The following EEFSEC variants were observed in gnomAD, a reference collection of about 807,000 sequenced individuals.
The protein encoded by EEFSEC is eukaryotic elongation factor, selenocysteine-tRNA specific, also known as selenocysteine-specific elongation factor.
Under a neutral mutation model 42.1 loss-of-function variants are expected in EEFSEC, and 43 were observed. The observed-to-expected ratio is 1.02, with a 90% CI of 0.80 to 1.32. The LOEUF is 1.32. Among genes scored for constraint, EEFSEC ranks in the 40% most tolerant of loss-of-function variants. The pLI, the probability that EEFSEC is intolerant of heterozygous loss-of-function variation, is 0.00. For synonymous variants in EEFSEC, 354 were observed against 339.1 expected (o/e 1.04, Z -0.48); for missense variants, 745 against 803.6 (o/e 0.93, Z 0.88).
chr3:128,344,319 G>A (rs1165445792), intron 5 of EEFSEC, among the ~76,000 whole-genome samples: 1 of 152,236 alleles, frequency 6.6e-6, no homozygotes, highest in Non-Finnish European at 1.5e-5. Context: ...TAACCCTGAG[G>A]AAGAGGTCAT....
At chr3:128,418,176 G>A in the EEFSEC span, among the ~76,000 whole-genome samples, 1 of 152,008 alleles carries the variant, frequency 6.6e-6, no homozygotes, top group African/African-American at 2.4e-5. Flanking sequence ...CCCTCGTCCA[G>A]TCCTGCTCCC....
Position 128,153,658 on chromosome 3 carries a change from C to G in EEFSEC, c.151C>G (p.Leu51Val), listed in dbSNP as rs1944298295. 2 of 1,598,840 alleles carry G rather than the reference C, an allele frequency of 1.3e-6. No individual in the cohort carries two copies. The highest frequency in any genetic ancestry group is 1.7e-6 in the Non-Finnish European group (2 of 1,178,284). Residue 51 changes from leucine (L) to valine (V), a missense_variant, in exon 1 of 7, where the codon CTG (leucine) becomes GTG (valine). By Grantham distance (32) the Leu-to-Val change is conservative. Coordinates refer to ENST00000254730, the MANE Select transcript of EEFSEC (RefSeq NM_021937.5). ...CCGCGAGCGCGGCATCACGCTCGAT[C>G]TGGGCTTCTCGTGCTTCTCGGTGCC... ...QSRERGITLDLGFSCFSVPLP... is the reference protein window; with the variant it reads ...QSRERGITLDVGFSCFSVPLP...
intron 1 of EEFSEC, among the ~76,000 whole-genome samples, chr3:128,222,025 GTT>G (rs60162922): frequency 1.0e-5 from 1 of 96,362 alleles, no homozygotes; most frequent in Non-Finnish European, 1.9e-5. Flanking sequence ...TTTTTTCAAA[GTT>G]TTTTTTTTTT....
rs779379164 is a variant in EEFSEC, at chr3:128,407,426, G to T, written c.1601-643G>T. 1.1e-4 allele frequency among the ~76,000 whole-genome samples: 16 copies of T among 152,198 alleles called. 1 individual carries two copies. Among genetic ancestry groups the T allele is most frequent in the Admixed American group, 1.0e-3 (16 of 15,290 alleles). ...TCTCAGGGCAGTGGCAAACTGAGCCGAGGGGGCACTGTGAGAATGGCGTGG... is the reference window on the plus strand; with the variant it reads ...TCTCAGGGCAGTGGCAAACTGAGCCTAGGGGGCACTGTGAGAATGGCGTGG... On this transcript the variant is annotated intron_variant, in intron 6 of 6. Transcript: ENST00000254730.
At chr3:128,234,544 T>C (rs2065989297) in intron 1 of EEFSEC, among the ~76,000 whole-genome samples, 1 of 152,212 alleles carries the variant, frequency 6.6e-6, no homozygotes, top group Non-Finnish European at 1.5e-5. Flanking sequence ...AGGCTGACTG[T>C]GGTGCGAGGA....
chr3:128,324,708 C>G (rs2067045494), intron 4 of EEFSEC, among the ~76,000 whole-genome samples: 1 of 152,206 alleles, frequency 6.6e-6, no homozygotes, highest in Non-Finnish European at 1.5e-5. Context: ...AGGCCTAGGG[C>G]TTTGCATGGT....
intron 1 of EEFSEC, among the ~76,000 whole-genome samples, chr3:128,161,300 A>T (rs1052584772): frequency 4.9e-4 from 75 of 152,290 alleles, no homozygotes; most frequent in African/African-American, 1.6e-3. Flanking sequence ...ACTTAGACTC[A>T]TCCTCAATCT....
chr3:128,341,858 A>T lies in EEFSEC; in HGVS notation c.1412A>T (p.Lys471Met). ...DSFLPRLKVYKLKHKHGLVER... is the reference protein window; with the variant it reads ...DSFLPRLKVYMLKHKHGLVER... ...TTCCTGCCCAGGCTGAAGGTGTACAAGCTGAAGCACAAGCATGGCCTTGTG... is the reference window on the plus strand; with the variant it reads ...TTCCTGCCCAGGCTGAAGGTGTACATGCTGAAGCACAAGCATGGCCTTGTG... Residue 471 changes from lysine (K) to methionine (M), a missense_variant, in exon 5 of 7, where the codon AAG becomes ATG. Coordinates refer to ENST00000254730, the MANE Select transcript of EEFSEC (RefSeq NM_021937.5). 6.2e-7 allele frequency: 1 copy of T among 1,613,800 alleles called. No individual in the cohort carries two copies. Among genetic ancestry groups the T allele is most frequent in the Non-Finnish European group, 8.5e-7 (1 of 1,180,024 alleles).
intron 6 of EEFSEC, among the ~76,000 whole-genome samples, chr3:128,404,033 G>A (rs1419981710): frequency 6.6e-6 from 1 of 152,252 alleles, no homozygotes; most frequent in Non-Finnish European, 1.5e-5. Flanking sequence ...AAGGCACAGA[G>A]GCAGGTTGCG....
chr3:128,232,915 G>GCTTGGAAACCTCCACTCTTCGTGTGTCTT (rs2065973219), intron 1 of EEFSEC, among the ~76,000 whole-genome samples: 1 of 152,242 alleles, frequency 6.6e-6, no homozygotes, highest in Admixed American at 6.5e-5. Flanking sequence ...CCTGACAGGA[G>GCTTGGAAACCTCCACTCTTCGTGTGTCTT]CTTGGAAACC....
intron 4 of EEFSEC, among the ~76,000 whole-genome samples, chr3:128,313,695 A>G (rs1463516789): frequency 6.6e-6 from 1 of 152,262 alleles, no homozygotes; most frequent in Admixed American, 6.5e-5. Flanking sequence ...AGCACAGCAG[A>G]GAACTGTTCC....
chr3:128,286,274 C>T (rs1452304912), intron 4 of EEFSEC, among the ~76,000 whole-genome samples: 1 of 152,198 alleles, frequency 6.6e-6, no homozygotes, highest in African/African-American at 2.4e-5. Flanking sequence ...GTCATCTATT[C>T]AGTGTCTGTC....
At chr3:128,397,289 C>T (rs58471960) in intron 6 of EEFSEC, among the ~76,000 whole-genome samples, 2,257 of 152,306 alleles carry the variant, frequency 0.015, 49 homozygotes, top group African/African-American at 0.051. Context: ...CTCTCAGGCC[C>T]GTGGCAGGGT....
chr3:128,182,899 T>A (rs1252097103), intron 1 of EEFSEC, among the ~76,000 whole-genome samples: 1 of 137,506 alleles, frequency 7.3e-6, no homozygotes, highest in Admixed American at 7.1e-5. Flanking sequence ...GGTGGGGTGG[T>A]TGGTCTAGTA....
chr3:128,320,890 G>A (rs2067000743), intron 4 of EEFSEC, among the ~76,000 whole-genome samples: 1 of 152,226 alleles, frequency 6.6e-6, no homozygotes, highest in African/African-American at 2.4e-5. Flanking sequence ...AGTGGCCTCT[G>A]GCTAGTCACC....
intron 1 of EEFSEC, among the ~76,000 whole-genome samples, chr3:128,194,386 T>C (rs1483512573): frequency 6.6e-6 from 1 of 152,206 alleles, no homozygotes; most frequent in Non-Finnish European, 1.5e-5. Context: ...GCAGGTCAGA[T>C]GCTTTTGGGG....
the EEFSEC span, among the ~76,000 whole-genome samples, chr3:128,419,221 G>A: frequency 2.6e-5 from 4 of 152,174 alleles, no homozygotes; most frequent in Admixed American, 1.3e-4. Flanking sequence ...AAGAAGTGGG[G>A]CACGGCTGCT....
chr3:128,276,640 C>G (rs1156827359), intron 4 of EEFSEC, among the ~76,000 whole-genome samples: 1 of 152,186 alleles, frequency 6.6e-6, no homozygotes, highest in Non-Finnish European at 1.5e-5. Context: ...GAGCCAGATG[C>G]TAGGCTAGGT....
intron 6 of EEFSEC, among the ~76,000 whole-genome samples, chr3:128,360,556 G>A (rs1321847743): frequency 6.6e-6 from 1 of 152,194 alleles, no homozygotes. Flanking sequence ...CCTTCCTGTA[G>A]CCCAAGGCAA....
Sources: allele counts gnomAD v4.1 joint callset (sites outside exome capture counted in the v4.1 genomes callset), GRCh38; gene constraint gnomAD v4.1.1; transcripts MANE v1.5; gene names NCBI Gene and HGNC (gene_info 2026-07-23, HGNC 2026-07-21).